MMEL1: variants seen among roughly 807,000 people sequenced by gnomAD.
MMEL1 encodes the protein membrane metalloendopeptidase like 1, also known as membrane metallo-endopeptidase-like 1.
In MMEL1, 98 loss-of-function variants were observed where a neutral mutation model predicts 117.1. The observed-to-expected ratio is 0.84, with a 90% CI of 0.71 to 0.99. The LOEUF is 0.99. Among genes scored for constraint, MMEL1 ranks in the 50% least tolerant of loss-of-function variants. The pLI is 0.00. For synonymous variants in MMEL1, 390 were observed against 415.1 expected (o/e 0.94, Z 0.74); for missense variants, 1,014 against 1,049.1 (o/e 0.97, Z 0.46).
chr1:2,594,118 C>G, intron 18 of MMEL1, 185 bp from the exon 19 acceptor site: 1 of 862,790 alleles, frequency 1.2e-6, no homozygotes, highest in East Asian at 2.7e-5. Context: ...TCGTGCCTGG[C>G]AGACCCAGGA....
In MMEL1 at chr1:2,595,013, G is replaced by A; in HGVS notation, c.1585-120C>T. The A allele has an allele frequency of 1.2e-6, 1 of 831,796 alleles. No individual in the cohort carries two copies. Among genetic ancestry groups the A allele is most frequent in the East Asian group, 2.5e-5 (1 of 40,294 alleles). 51.5% of individuals were successfully genotyped at this position (831,796 alleles called of 1,614,324 possible). ...CTTGCCAGGCGTCCGCACGTGGACA[G>A]TCGGCTGTGGGTGCAGGTGAACGGG... On this transcript the variant is annotated intron_variant, in intron 16 of 23. Coordinates refer to ENST00000378412, the MANE Select transcript of MMEL1 (RefSeq NM_033467.4). This position sits in a 1 kb window ranked among gnomAD's most constrained non-coding sequence, Gnocchi z 4.8.
At chr1:2,594,583 TG>T in intron 17 of MMEL1, 140 bp from the exon 18 acceptor site, 1 of 1,150,188 alleles carries the variant, frequency 8.7e-7, no homozygotes, top group South Asian at 1.4e-5. Flanking sequence ...GGTTCCTTCC[TG>T]GGGTCCCTGA....
Position 2,593,808 on chromosome 1 carries a change from G to C in MMEL1, c.1867+6C>G, listed in dbSNP as rs772154735. 6.3e-7 allele frequency: 1 copy of C among 1,594,714 alleles called. No individual in the cohort carries two copies. Among genetic ancestry groups the C allele is most frequent in the African/African-American group, 1.3e-5 (1 of 74,234 alleles). On this transcript the variant is annotated splice_donor_region_variant and intron_variant, in intron 19 of 23. Transcript: ENST00000378412. ...GGCGTGTGTGATTGGAGGGGCGGCCGCTCACCATTGTCGTCAAAGCCGTGC... is the reference window on the plus strand; with the variant it reads ...GGCGTGTGTGATTGGAGGGGCGGCCCCTCACCATTGTCGTCAAAGCCGTGC...
At chr1:2,608,688 T>A (rs1645071250) in intron 6 of MMEL1, among the ~76,000 whole-genome samples, 1 of 152,052 alleles carries the variant, frequency 6.6e-6, no homozygotes, top group Middle Eastern at 3.4e-3. Flanking sequence ...CATATACACA[T>A]ACATGCATGT....
rs138043312 is a variant in MMEL1 at position 2,597,132 on chromosome 1, TC to T, written c.1273-444del. The stretch of plus-strand genomic sequence containing the variant: ...AGCTGTGAGAACACCTGCTCATCTG[TC>T]CCCAGGGACACAGGAGCACGAGACT... On this transcript the variant is annotated intron_variant, in intron 13 of 23. Transcript: ENST00000378412. 7.5e-3 allele frequency among the ~76,000 whole-genome samples: 1,136 copies of T among 152,100 alleles called. 15 individuals are homozygous for T. Among genetic ancestry groups the T allele is most frequent in the African/African-American group, 0.026 (1,062 of 41,472 alleles).
rs1570633236 is a variant in MMEL1, at chr1:2,590,776, G to C, written c.*214C>G. The C allele has an allele frequency of 2.4e-5, 10 of 408,506 alleles. No individual in the cohort carries two copies. The East Asian group carries it at 3.6e-4, about 15-fold the overall frequency. The allele number at this position is 408,506 out of a possible 1,614,324, so 25.3% of individuals were successfully genotyped here. A position where few individuals can be genotyped will look rare whatever the true frequency, so the allele number is the denominator to read the frequency against. ...GCACTGAGCCCCGCGGGTGTCTGTG[G>C]AGGGGGCTCCGGTCCAGGTACTGCA... On this transcript the variant is annotated 3_prime_UTR_variant, in exon 24 of 24. Coordinates refer to ENST00000378412, the MANE Select transcript of MMEL1 (RefSeq NM_033467.4).
At chr1:2,629,679 G>T in intron 1 of MMEL1, 158 bp from the exon 2 acceptor site, 1 of 613,390 alleles carries the variant, frequency 1.6e-6, no homozygotes, top group Non-Finnish European at 2.6e-6. Context: ...GGGTGACTGG[G>T]TCCCGGGACT....
rs1644885946 is a variant in MMEL1, at chr1:2,598,762, G to A, written c.1070C>T (p.Thr357Ile). 6.2e-7 allele frequency: 1 copy of A among 1,613,852 alleles called. No homozygotes were observed. The highest frequency in any genetic ancestry group is 8.5e-7 in the Non-Finnish European group (1 of 1,179,882). Residue 357 changes from threonine (T) to isoleucine (I), a missense_variant, in exon 12 of 24, where the codon ACT (threonine) becomes ATT (isoleucine). Transcript: ENST00000378412. ...CTTGATTTTGACAGAGGATAGCACAGTTTGTATGAACAGAGTCCAGTTAAA... is the reference window on the plus strand; with the variant it reads ...CTTGATTTTGACAGAGGATAGCACAATTTGTATGAACAGAGTCCAGTTAAA... Reference protein sequence around the residue: ...KGFNWTLFIQTVLSSVKIKLL... With the variant: ...KGFNWTLFIQIVLSSVKIKLL...
rs969445044 is a variant in MMEL1, at chr1:2,598,211, C to T, written c.1268G>A (p.Arg423His). Residue 423 changes from arginine (R) to histidine (H), a missense_variant, in exon 13 of 24, where the codon CGC becomes CAC. Arg to His is a conservative substitution (Grantham distance 29). Coordinates refer to ENST00000378412, the MANE Select transcript of MMEL1 (RefSeq NM_033467.4). ...CTGGGCAGGGAAGGGGCTCACCTTG[C>T]GGTAGTTCACTCGTGTGTCCTTGAA... ...QRFKDTRVNYRKALFGTMVEE... is the reference protein window; with the variant it reads ...QRFKDTRVNYHKALFGTMVEE... The T allele has an allele frequency of 8.7e-5, 141 of 1,613,708 alleles. No homozygotes were observed. Among genetic ancestry groups the T allele is most frequent in the South Asian group, 1.1e-4 (10 of 91,078 alleles).
intron 2 of MMEL1, among the ~76,000 whole-genome samples, chr1:2,622,860 G>C (rs1323363427): frequency 6.9e-6 from 1 of 145,804 alleles, no homozygotes; most frequent in Non-Finnish European, 1.5e-5. Flanking sequence ...CTCCAGCCTG[G>C]GTGAAAGAGT....
chr1:2,592,330 GC>G (rs199913369), intron 21 of MMEL1, among the ~76,000 whole-genome samples: 4,570 of 34,672 alleles, frequency 0.13, 76 homozygotes, highest in Middle Eastern at 0.22. Flanking sequence ...CAGCGCTGAT[GC>G]CCCCCCTCCC....
In MMEL1 at chr1:2,612,178, G is replaced by A. The variant is rs139771325; in HGVS notation, c.181C>T (p.Arg61Trp). 15 of 1,577,658 alleles carry A rather than the reference G, an allele frequency of 9.5e-6. No individual in the cohort carries two copies. Among genetic ancestry groups the A allele is most frequent in the African/African-American group, 2.7e-5 (2 of 74,056 alleles). Residue 61 changes from arginine to tryptophan, a missense_variant, in exon 3 of 24, where the codon CGG becomes TGG. Coordinates refer to ENST00000378412, the MANE Select transcript of MMEL1 (RefSeq NM_033467.4). The surrounding 1 kb of genome is among the most constrained non-coding windows in gnomAD (Gnocchi z 5.4). ...RGKQLPRLAS[R>W]LCFLQEERTF... ...CTCTCCTCCTGTAAGAAGCACAGCCGGCTAGCAAGGCGTGGCAGCTGCTTC... is the reference window on the plus strand; with the variant it reads ...CTCTCCTCCTGTAAGAAGCACAGCCAGCTAGCAAGGCGTGGCAGCTGCTTC...
In MMEL1 at chr1:2,612,223, C is replaced by G. The variant is rs985478047; in HGVS notation, c.155-19G>C. The G allele has an allele frequency of 2.6e-6, 4 of 1,557,948 alleles. No individual in the cohort carries two copies. The highest frequency in any genetic ancestry group is 3.5e-6 in the Non-Finnish European group (4 of 1,150,012). On this transcript the variant is annotated intron_variant, in intron 2 of 23. Transcript: ENST00000378412. The surrounding 1 kb of genome is among the most constrained non-coding windows in gnomAD (Gnocchi z 5.4). ...TGCTTCCCTGGGGAGAAACACAGCG[C>G]TCAGCTGCGGCCTCCTGCCTGCAGC...
intron 2 of MMEL1, among the ~76,000 whole-genome samples, chr1:2,618,386 C>T (rs892836706): frequency 6.6e-6 from 1 of 152,236 alleles, no homozygotes; most frequent in Admixed American, 6.5e-5. Context: ...AACCATGAGC[C>T]AAATCCACCT....
Position 2,606,966 on chromosome 1 carries a change from G to T in MMEL1, c.631+8C>A, listed in dbSNP as rs564209993. ...TGTCTGTGAGGCTGCTGCCAGGCCCGGCCTTACCTACGGTCTCGTTCCACC... is the reference window on the plus strand; with the variant it reads ...TGTCTGTGAGGCTGCTGCCAGGCCCTGCCTTACCTACGGTCTCGTTCCACC... On this transcript the variant is annotated splice_region_variant and intron_variant, in intron 7 of 23. Coordinates refer to ENST00000378412, the MANE Select transcript of MMEL1 (RefSeq NM_033467.4). The T allele has an allele frequency of 8.1e-5, 131 of 1,610,650 alleles. No homozygotes were observed. Among genetic ancestry groups the T allele is most frequent in the Middle Eastern group, 6.6e-4 (4 of 6,028 alleles).
chr1:2,629,272 G>C (rs924004073), intron 2 of MMEL1, 59 bp downstream of exon 2: 15 of 1,483,242 alleles, frequency 1.0e-5, no homozygotes, highest in Non-Finnish European at 1.3e-5. Flanking sequence ...AGCAGGTGCA[G>C]CGGGGCGAGC....
intron 2 of MMEL1, among the ~76,000 whole-genome samples, chr1:2,622,772 C>G (rs1284035357): frequency 6.6e-6 from 1 of 151,664 alleles, no homozygotes; most frequent in Non-Finnish European, 1.5e-5. Context: ...GTAATCCCAG[C>G]TACTTGGGAG....
At chr1:2,609,604 C>T in intron 5 of MMEL1, 66 bp downstream of exon 5, 1 of 1,556,502 alleles carries the variant, frequency 6.4e-7, no homozygotes, top group Non-Finnish European at 8.7e-7. Flanking sequence ...CAGCCAGGAC[C>T]AACTCCTGGC....
chr1:2,591,134 C>T, intron 23 of MMEL1, 45 bp from the exon 24 acceptor site: 1 of 1,356,436 alleles, frequency 7.4e-7, no homozygotes, highest in Non-Finnish European at 1.0e-6. Context: ...CCATCTTGGA[C>T]AAACATGGCC....
Sources: allele counts gnomAD v4.1 joint callset (sites outside exome capture counted in the v4.1 genomes callset), GRCh38; gene constraint gnomAD v4.1.1; non-coding constraint Gnocchi (gnomAD v3.1); transcripts MANE v1.5; gene names NCBI Gene and HGNC (gene_info 2026-07-23, HGNC 2026-07-21).